The following NRG3 variants were observed in gnomAD, a reference collection of about 807,000 sequenced individuals.
NRG3 encodes pro-neuregulin-3, membrane-bound isoform.
A neutral mutation model predicts 66.9 loss-of-function variants in NRG3; 31 were observed. That is an observed-to-expected ratio of 0.46 (90% CI 0.35 to 0.63). NRG3 has a LOEUF of 0.63. NRG3 is among the 20% of genes least tolerant of loss of function. The pLI, the probability that NRG3 is intolerant of heterozygous loss-of-function variation, is 0.00. For synonymous variants in NRG3, 393 were observed against 359.4 expected (o/e 1.09, Z -1.06); for missense variants, 910 against 878.9 (o/e 1.04, Z -0.45).
intron 6 of NRG3, among the ~76,000 whole-genome samples, chr10:82,969,663 G>A (rs1301549629): frequency 6.6e-6 from 1 of 152,208 alleles, no homozygotes; most frequent in Non-Finnish European, 1.5e-5. Context: ...CATTTAATTG[G>A]AGCTTTTGAA....
At chr10:82,608,591 C>T (rs941612882) in intron 2 of NRG3, among the ~76,000 whole-genome samples, 9 of 152,058 alleles carry the variant, frequency 5.9e-5, no homozygotes, top group Admixed American at 2.6e-4. Flanking sequence ...AGGTTTATAA[C>T]CCTATGGTTA....
At chr10:82,341,988 C>G (rs1234355013) in intron 1 of NRG3, among the ~76,000 whole-genome samples, 1 of 151,748 alleles carries the variant, frequency 6.6e-6, no homozygotes, top group East Asian at 1.9e-4. Context: ...CCTTGAGAGT[C>G]CTAGATTTCA....
At chr10:82,766,098 C>T (rs1289011342) in intron 3 of NRG3, among the ~76,000 whole-genome samples, 5 of 152,204 alleles carry the variant, frequency 3.3e-5, no homozygotes, top group Non-Finnish European at 2.9e-5. Flanking sequence ...TGAAATTAAT[C>T]CCAAATGCAA....
chr10:82,124,727 TAA>T (rs35137297), intron 1 of NRG3, among the ~76,000 whole-genome samples: 113 of 119,056 alleles, frequency 9.5e-4, no homozygotes, highest in African/African-American at 1.8e-3. Context: ...GAACTTAAAG[TAA>T]AAAAAAAAAA....
rs551061110 is a variant in NRG3 at position 82,894,902 on chromosome 10, C to G, written c.1054+29465C>G. On this transcript the variant is annotated intron_variant, in intron 4 of 8. Coordinates refer to ENST00000372141, the MANE Select transcript of NRG3 (RefSeq NM_001010848.4). The stretch of plus-strand genomic sequence containing the variant: ...CTAATGCTCTCCCTCCCCTTGCCCC[C>G]ACTGCCCGACAGGCCCTGGTGTGTG... Among the ~76,000 whole-genome samples, 6 of 152,272 alleles carry G rather than the reference C, an allele frequency of 3.9e-5. No homozygotes were observed. The South Asian group carries it at 1.2e-3, about 32-fold the overall frequency.
chr10:82,160,832 G>A (rs914124877), intron 1 of NRG3, among the ~76,000 whole-genome samples: 1 of 151,954 alleles, frequency 6.6e-6, no homozygotes, highest in African/African-American at 2.4e-5. Context: ...ACTGGCACAT[G>A]AATGAACAGC....
At chr10:82,717,390 CTTTTTTT>C (rs59189864) in intron 2 of NRG3, among the ~76,000 whole-genome samples, 26 of 83,564 alleles carry the variant, frequency 3.1e-4, no homozygotes, top group Admixed American at 4.8e-4. Context: ...ATTGGAAAAG[CTTTTTTT>C]TTTTTTTTTT....
chr10:82,887,206 G>A (rs1842799731), intron 4 of NRG3, among the ~76,000 whole-genome samples: 1 of 152,100 alleles, frequency 6.6e-6, no homozygotes, highest in Non-Finnish European at 1.5e-5. Context: ...TCAGAGATTA[G>A]GATAGAGCAA....
intron 3 of NRG3, among the ~76,000 whole-genome samples, chr10:82,799,440 C>T (rs2060938546): frequency 6.7e-6 from 1 of 150,368 alleles, no homozygotes. Flanking sequence ...GCAGGAGAGT[C>T]ACTTGAACCG....
chr10:82,148,402 C>T (rs1463395904), intron 1 of NRG3, among the ~76,000 whole-genome samples: 1 of 152,288 alleles, frequency 6.6e-6, no homozygotes, highest in South Asian at 2.1e-4. Context: ...GGTTGATACT[C>T]TCAACCACAG....
chr10:82,204,574 A>G (rs1349168786), intron 1 of NRG3, among the ~76,000 whole-genome samples: 1 of 151,890 alleles, frequency 6.6e-6, no homozygotes, highest in Non-Finnish European at 1.5e-5. Flanking sequence ...TCGCTGTACA[A>G]CTCTCTCTGT....
chr10:82,605,586 A>G (rs2047919484), intron 2 of NRG3, among the ~76,000 whole-genome samples: 2 of 152,024 alleles, frequency 1.3e-5, no homozygotes, highest in African/African-American at 4.8e-5. Flanking sequence ...TGCTAGTCTC[A>G]CAGAATGAGT....
chr10:82,439,862 A>G (rs1467452297), intron 2 of NRG3, among the ~76,000 whole-genome samples: 1 of 151,866 alleles, frequency 6.6e-6, no homozygotes, highest in East Asian at 1.9e-4. Flanking sequence ...TCATGTTTTT[A>G]TGGTATTATG....
intron 2 of NRG3, among the ~76,000 whole-genome samples, chr10:82,612,560 A>G (rs1345571346): frequency 1.3e-5 from 2 of 152,228 alleles, no homozygotes; most frequent in African/African-American, 4.8e-5. Context: ...GAATTATGCC[A>G]CATACTCTAA....
intron 1 of NRG3, among the ~76,000 whole-genome samples, chr10:82,149,032 A>G (rs537492163): frequency 1.3e-5 from 2 of 149,626 alleles, no homozygotes; most frequent in East Asian, 2.0e-4. Flanking sequence ...ACCTCACCCA[A>G]ACAATTCACA....
At position 81,875,258 on chromosome 10, in the gene NRG3, C is replaced by CCGCCGCCGCCGGA; in HGVS notation, c.-83_-82insCGCCGCCGCCGGA. On this transcript the variant is annotated 5_prime_UTR_variant, in exon 1 of 9. It removes the in-frame stop codon of an upstream open reading frame in the 5' UTR. Coordinates refer to ENST00000372141, the MANE Select transcript of NRG3 (RefSeq NM_001010848.4). This position sits in a 1 kb window ranked among gnomAD's most constrained non-coding sequence, Gnocchi z 5.3. ...AGCCCGCCGCCGCCGCCGGAGCCCGCGCCCGCGCCCGCGCCCGGCCCGCGC... is the reference window on the plus strand; with the variant it reads ...AGCCCGCCGCCGCCGCCGGAGCCCGCCGCCGCCGCCGGAGCCCGCGCCCGCGCCCGGCCCGCGC... 3 of 900,520 alleles carry CCGCCGCCGCCGGA rather than the reference C, an allele frequency of 3.3e-6. No individual in the cohort carries two copies. In the South Asian group the frequency reaches 1.5e-4, roughly 44 times the overall value. The allele number at this position is 900,520 out of a possible 1,614,324, so 55.8% of individuals were successfully genotyped here.
chr10:81,909,407 G>A (rs1844906557), intron 1 of NRG3, among the ~76,000 whole-genome samples: 1 of 152,124 alleles, frequency 6.6e-6, no homozygotes, highest in Admixed American at 6.6e-5. Flanking sequence ...CATGAGTGGT[G>A]GTAATGGAGA....
chr10:82,167,088 T>G (rs537264463), intron 1 of NRG3, among the ~76,000 whole-genome samples: 158 of 152,090 alleles, frequency 1.0e-3, no homozygotes, highest in Non-Finnish European at 1.8e-3. Context: ...ATAGTTTTAT[T>G]CTTTTTAAAT....
intron 1 of NRG3, among the ~76,000 whole-genome samples, chr10:81,948,138 T>C (rs985623336): frequency 6.6e-6 from 1 of 152,174 alleles, no homozygotes; most frequent in Non-Finnish European, 1.5e-5. Context: ...TTTTCTTCTA[T>C]TGTAAAATCT....
Sources: gnomAD v4.1 joint callset for allele counts (sites outside exome capture counted in the v4.1 genomes callset) on GRCh38, gnomAD v4.1.1 for gene constraint, Gnocchi (gnomAD v3.1) non-coding constraint, MANE v1.5 for transcripts, NCBI Gene and HGNC (gene_info 2026-07-23, HGNC 2026-07-21) for gene names.